The following SCN8A variants were observed in gnomAD, a reference collection of about 807,000 sequenced individuals.
SCN8A encodes sodium channel protein type 8 subunit alpha.
A neutral mutation model predicts 184.1 loss-of-function variants in SCN8A; 30 were observed. The observed-to-expected ratio is 0.16, with a 90% confidence interval of 0.12 to 0.22. The LOEUF is 0.22. Ranked by LOEUF, SCN8A falls within the 10% of genes least tolerant of loss-of-function variation. The pLI is 1.00. For missense variants in SCN8A, 1,057 were observed against 2,498.9 expected (o/e 0.42, Z 12.30); for synonymous variants, 852 against 907.0 (o/e 0.94, Z 1.09).
intron 3 of SCN8A, among the ~76,000 whole-genome samples, chr12:51,685,594 A>G (rs941917762): frequency 2.0e-5 from 3 of 152,218 alleles, no homozygotes; most frequent in Admixed American, 6.5e-5. Context: ...ATTTTGCTCT[A>G]TTACCTAGTC....
chr12:51,686,966 A>C (rs1289091817), intron 4 of SCN8A, 125 bp from the exon 5 acceptor site: 2 of 906,536 alleles, frequency 2.2e-6, no homozygotes, highest in African/African-American at 1.7e-5. Context: ...TTCCTGCTGC[A>C]TTGGCTGTGC....
chr12:51,741,223 CTCT>C (rs1227875043), intron 12 of SCN8A, among the ~76,000 whole-genome samples: 5 of 152,148 alleles, frequency 3.3e-5, no homozygotes, highest in African/African-American at 7.2e-5. Context: ...CGATCTCTGT[CTCT>C]TCTTATAATT....
rs780472572 is a variant in SCN8A, at chr12:51,807,267, T to C, written c.5781T>C (p.Asn1927=). The change falls in exon 27 of 27, where the codon AAT becomes AAC. Residue 1927 remains asparagine (N), a synonymous_variant. Transcript: ENST00000627620. The surrounding 1 kb of genome is among the most constrained non-coding windows in gnomAD (Gnocchi z 4.5). ...CKKTTSNKLE[N]GGTHREKKES... ...AGACAACTTCTAATAAGCTGGAGAA[T>C]GGAGGCACACACCGGGAGAAAAAAG... 6.2e-7 allele frequency: 1 copy of C among 1,613,740 alleles called. No individual in the cohort carries two copies. Among genetic ancestry groups the C allele is most frequent in the Non-Finnish European group, 8.5e-7 (1 of 1,179,862 alleles).
intron 1 of SCN8A, among the ~76,000 whole-genome samples, chr12:51,619,329 T>C (rs1939912252): frequency 6.6e-6 from 1 of 152,222 alleles, no homozygotes; most frequent in Non-Finnish European, 1.5e-5. Context: ...TAAATAAATA[T>C]TTATTCCATT....
At chr12:51,666,933 C>T (rs920783922) in intron 2 of SCN8A, among the ~76,000 whole-genome samples, 2 of 152,180 alleles carry the variant, frequency 1.3e-5, no homozygotes, top group Non-Finnish European at 2.9e-5. Flanking sequence ...CAATCTGAAT[C>T]ATCCTCTCTT....
intron 2 of SCN8A, among the ~76,000 whole-genome samples, chr12:51,675,885 G>A (rs150756365): frequency 6.6e-6 from 1 of 152,198 alleles, no homozygotes; most frequent in Non-Finnish European, 1.5e-5. Flanking sequence ...TCATAGAGTA[G>A]TTGTGAGACA....
At chr12:51,713,798 A>C (rs940485037) in intron 11 of SCN8A, among the ~76,000 whole-genome samples, 1 of 152,042 alleles carries the variant, frequency 6.6e-6, no homozygotes, top group African/African-American at 2.4e-5. Flanking sequence ...AAAAATTTTG[A>C]GGACCTAAAA....
chr12:51,758,984 A>ATG (rs199584412), intron 14 of SCN8A, among the ~76,000 whole-genome samples: 13,657 of 149,740 alleles, frequency 0.091, 1,241 homozygotes, highest in African/African-American at 0.24. Flanking sequence ...ATGTATGTAT[A>ATG]TGTGTGTGTG....
chr12:51,752,042 G>A (rs150144323), intron 14 of SCN8A, among the ~76,000 whole-genome samples: 1 of 152,026 alleles, frequency 6.6e-6, no homozygotes, highest in Non-Finnish European at 1.5e-5. Flanking sequence ...GCTCTGTCAG[G>A]CCTTAATTAC....
At chr12:51,607,647 A>C (rs552765074) in intron 1 of SCN8A, among the ~76,000 whole-genome samples, 7 of 152,094 alleles carry the variant, frequency 4.6e-5, no homozygotes, top group African/African-American at 7.2e-5. Context: ...GCGATGCTGC[A>C]TTTTGTCGAA....
chr12:51,615,881 C>G (rs916851459), intron 1 of SCN8A, among the ~76,000 whole-genome samples: 1 of 151,904 alleles, frequency 6.6e-6, no homozygotes, highest in Non-Finnish European at 1.5e-5. Flanking sequence ...TCCTTCATGC[C>G]TGGCTAATTT....
intron 15 of SCN8A, among the ~76,000 whole-genome samples, chr12:51,763,114 G>A (rs774611895): frequency 6.6e-6 from 1 of 152,124 alleles, no homozygotes; most frequent in Admixed American, 6.5e-5. Flanking sequence ...CATTTCTTCT[G>A]TCATGGTAGC....
intron 12 of SCN8A, among the ~76,000 whole-genome samples, chr12:51,744,573 C>G (rs1016828425): frequency 1.3e-5 from 2 of 151,312 alleles, no homozygotes; most frequent in African/African-American, 4.9e-5. Flanking sequence ...CCCAAGGTCA[C>G]TGATCCAAAT....
chr12:51,763,369 CTG>C, intron 15 of SCN8A, among the ~76,000 whole-genome samples: 1 of 152,220 alleles, frequency 6.6e-6, no homozygotes, highest in Admixed American at 6.5e-5. Context: ...TTTTGGCCAA[CTG>C]TAGGCGAATG....
chr12:51,624,730 GT>G (rs1443520632), intron 1 of SCN8A, among the ~76,000 whole-genome samples: 1 of 152,126 alleles, frequency 6.6e-6, no homozygotes, highest in Non-Finnish European at 1.5e-5. Flanking sequence ...TTGTTTTAGG[GT>G]TTTTATGGTT....
intron 1 of SCN8A, among the ~76,000 whole-genome samples, chr12:51,633,411 A>G (rs1305860366): frequency 6.6e-6 from 1 of 152,190 alleles, no homozygotes; most frequent in Non-Finnish European, 1.5e-5. Flanking sequence ...TCAGTTTCTT[A>G]GTTTCTGTAT....
rs1938693184 is a variant in SCN8A, at chr12:51,806,072, C to T, written c.4796-210C>T. 6.6e-6 allele frequency among the ~76,000 whole-genome samples: 1 copy of T among 152,214 alleles called. No individual in the cohort carries two copies. Among genetic ancestry groups the T allele is most frequent in the Non-Finnish European group, 1.5e-5 (1 of 68,040 alleles). On this transcript the variant is annotated intron_variant, in intron 26 of 26. Transcript: ENST00000627620. The surrounding 1 kb of genome is among the most constrained non-coding windows in gnomAD (Gnocchi z 8.7). ...CCAACTCCTGGCCTCAAGTAATCCA[C>T]CTGCCTTGGCCTCCCAAAGTCCTGG...
In SCN8A at chr12:51,639,283, A is replaced by T. The variant is rs532698358; in HGVS notation, c.-54-23481A>T. ...GTGCTGGGCTGAAAGTCGTTTCCTGAGATGGAATCTCCTCCTGGTGAAGAT... is the reference window on the plus strand; with the variant it reads ...GTGCTGGGCTGAAAGTCGTTTCCTGTGATGGAATCTCCTCCTGGTGAAGAT... On this transcript the variant is annotated intron_variant, in intron 1 of 26. Coordinates refer to ENST00000627620, the MANE Select transcript of SCN8A (RefSeq NM_001330260.2). Among the ~76,000 whole-genome samples the T allele has an allele frequency of 2.4e-4, 36 of 152,296 alleles. No homozygotes were observed. The South Asian group carries it at 7.3e-3, about 31-fold the overall frequency.
chr12:51,776,089 A>G (rs1937683647), intron 20 of SCN8A, among the ~76,000 whole-genome samples: 1 of 152,198 alleles, frequency 6.6e-6, no homozygotes, highest in Admixed American at 6.5e-5. Flanking sequence ...TCCTGGGCTC[A>G]CACGATCCTT....
Sources: allele counts gnomAD v4.1 joint callset (sites outside exome capture counted in the v4.1 genomes callset), GRCh38; gene constraint gnomAD v4.1.1; non-coding constraint Gnocchi (gnomAD v3.1); transcripts MANE v1.5; gene names NCBI Gene and HGNC (gene_info 2026-07-23, HGNC 2026-07-21).